CLDN14: variants seen among roughly 807,000 people sequenced by gnomAD.
CLDN14 encodes claudin 14.
In CLDN14, 2 loss-of-function variants were observed where a neutral mutation model predicts 2.1. That is an observed-to-expected ratio of 0.96 (90% CI 0.39 to 3.01). The LOEUF (loss-of-function observed/expected upper bound fraction) is 3.01, where lower values mean the gene tolerates loss of function less well. CLDN14 is among the 30% of genes most tolerant of loss of function. CLDN14 has a pLI of 0.09. For missense variants in CLDN14, 298 were observed against 328.0 expected (o/e 0.91, Z 0.71); for synonymous variants, 136 against 154.4 (o/e 0.88, Z 0.88).
intron 1 of CLDN14, among the ~76,000 whole-genome samples, chr21:36,549,685 G>A (rs1314650190): frequency 2.6e-5 from 4 of 152,220 alleles, no homozygotes; most frequent in Non-Finnish European, 4.4e-5. Flanking sequence ...CCACTTGTCA[G>A]CACACAACGG....
chr21:36,524,792 G>A (rs568682133), intron 1 of CLDN14, among the ~76,000 whole-genome samples: 88 of 152,344 alleles, frequency 5.8e-4, no homozygotes, highest in Non-Finnish European at 1.1e-3. Context: ...TGTCCTGCCT[G>A]GTATGCTCTG....
In CLDN14 at chr21:36,465,072, C is replaced by A. The variant is rs77562443; in HGVS notation, c.-81-3296G>T. ...TTGCCCAGGACAGGGACCTTCAGGG[C>A]TGAAACTAAGACAGTCCCAAGGAAA... On this transcript the variant is annotated intron_variant, in intron 1 of 1. Coordinates refer to ENST00000399135, the MANE Select transcript of CLDN14 (RefSeq NM_001146079.2). Among the ~76,000 whole-genome samples, 759 of 152,274 alleles carry A rather than the reference C, an allele frequency of 5.0e-3. 7 individuals carry two copies. The highest frequency in any genetic ancestry group is 0.016 in the African/African-American group (658 of 41,548).
At chr21:36,554,008 C>T (rs903337482) in intron 1 of CLDN14, among the ~76,000 whole-genome samples, 2 of 152,198 alleles carry the variant, frequency 1.3e-5, no homozygotes, top group Non-Finnish European at 1.5e-5. Context: ...CATGTACCCC[C>T]TTTCCCTATG....
At chr21:36,510,893 A>G (rs1300055567) in intron 1 of CLDN14, among the ~76,000 whole-genome samples, 1 of 152,190 alleles carries the variant, frequency 6.6e-6, no homozygotes, top group Non-Finnish European at 1.5e-5. Flanking sequence ...CCCTTAGCAA[A>G]ATCCTTCAGG....
intron 1 of CLDN14, among the ~76,000 whole-genome samples, chr21:36,464,803 G>A (rs76739387): frequency 0.03 from 4,616 of 152,320 alleles, 111 homozygotes; most frequent in African/African-American, 0.071. Flanking sequence ...ATGGGGAAAC[G>A]AGAGGAGCAG....
intron 2 of CLDN14, among the ~76,000 whole-genome samples, chr21:36,496,657 T>C (rs962538844): frequency 2.7e-5 from 3 of 112,896 alleles, no homozygotes; most frequent in African/African-American, 1.1e-4. Flanking sequence ...GCCCAGCCAA[T>C]GGAGAAGAAA....
At chr21:36,556,379 AC>A (rs1338902514) in intron 1 of CLDN14, among the ~76,000 whole-genome samples, 2 of 152,094 alleles carry the variant, frequency 1.3e-5, no homozygotes, top group African/African-American at 2.4e-5. Flanking sequence ...GTGGCCCTGG[AC>A]CTTTTTGTGC....
Position 36,515,262 on chromosome 21 carries a change from C to G in CLDN14, c.-219-4762G>C, listed in dbSNP as rs147491263. Among the ~76,000 whole-genome samples the G allele has an allele frequency of 7.4e-4, 112 of 152,280 alleles. 3 individuals carry two copies. In the East Asian group the frequency reaches 0.019, roughly 26 times the overall value. ...CAAACAGTCTTTGTACCCCAGTGCTCATAGCGGCATTATTCACAGTAGCCA... is the reference window on the plus strand; with the variant it reads ...CAAACAGTCTTTGTACCCCAGTGCTGATAGCGGCATTATTCACAGTAGCCA... On this transcript the variant is annotated intron_variant, in intron 1 of 2. Coordinates refer to the CLDN14 transcript ENST00000342108.
At chr21:36,549,612 C>A (rs1470700094) in intron 1 of CLDN14, among the ~76,000 whole-genome samples, 2 of 152,190 alleles carry the variant, frequency 1.3e-5, no homozygotes, top group Admixed American at 1.3e-4. Flanking sequence ...GGGGGTTGAC[C>A]AGCCACAGGC....
upstream of CLDN14, among the ~76,000 whole-genome samples, chr21:36,483,776 G>A (rs2053793374): frequency 6.6e-6 from 1 of 152,148 alleles, no homozygotes. Context: ...GAGGGGTGTT[G>A]TGGTTTGTGG....
chr21:36,465,091 A>G (rs551471061), intron 1 of CLDN14, among the ~76,000 whole-genome samples: 11 of 152,258 alleles, frequency 7.2e-5, no homozygotes, highest in Admixed American at 7.2e-4. Context: ...AGACAGTCCC[A>G]AGGAAACCAG....
intron 1 of CLDN14, among the ~76,000 whole-genome samples, chr21:36,515,810 A>T (rs1262671285): frequency 1.2e-4 from 1 of 8,450 alleles, no homozygotes; most frequent in African/African-American, 2.7e-4. Flanking sequence ...TTTTTGAGAC[A>T]GAGTCTCACT....
chr21:36,513,574 T>C (rs2087201621), intron 1 of CLDN14, among the ~76,000 whole-genome samples: 1 of 152,214 alleles, frequency 6.6e-6, no homozygotes, highest in East Asian at 1.9e-4. Context: ...GAAGCCCTGT[T>C]TGTGAGGCTT....
intron 1 of CLDN14, among the ~76,000 whole-genome samples, chr21:36,514,304 G>A (rs188138603): frequency 1.3e-5 from 2 of 152,320 alleles, no homozygotes; most frequent in Admixed American, 6.5e-5. Context: ...CATGGGAGCT[G>A]GAGTGAGGCT....
chr21:36,490,849 C>T (rs117421817), intron 2 of CLDN14, among the ~76,000 whole-genome samples: 1,670 of 152,152 alleles, frequency 0.011, 18 homozygotes, highest in Non-Finnish European at 0.019. Flanking sequence ...CCCTCCTCAC[C>T]GCTTCTGCTT....
At chr21:36,567,695 G>C (rs2087683296) in intron 1 of CLDN14, among the ~76,000 whole-genome samples, 1 of 152,162 alleles carries the variant, frequency 6.6e-6, no homozygotes, top group African/African-American at 2.4e-5. Context: ...CACTTTGGCT[G>C]TTCTTCATAT....
At chr21:36,549,834 C>T (rs538067051) in intron 1 of CLDN14, among the ~76,000 whole-genome samples, 2 of 152,344 alleles carry the variant, frequency 1.3e-5, no homozygotes, top group Admixed American at 6.5e-5. Flanking sequence ...TACTCGCAAT[C>T]GTCCCCTGGC....
chr21:36,499,821 T>C lies in CLDN14; in HGVS notation c.-82+10542A>G, dbSNP rs1416790869. On this transcript the variant is annotated intron_variant, in intron 2 of 2. Coordinates refer to the CLDN14 transcript ENST00000342108. The surrounding 1 kb of genome is among the most constrained non-coding windows in gnomAD (Gnocchi z 4.7). Reference sequence around the variant, plus strand: ...TTATTGCTCCTTAGATGATCAATGCTGCCCCCAGGGCTGCTGTCATCTCCT... The same window carrying C: ...TTATTGCTCCTTAGATGATCAATGCCGCCCCCAGGGCTGCTGTCATCTCCT... Among the ~76,000 whole-genome samples the C allele has an allele frequency of 6.6e-6, 1 of 152,020 alleles. No individual in the cohort carries two copies. Among genetic ancestry groups the C allele is most frequent in the Non-Finnish European group, 1.5e-5 (1 of 68,018 alleles).
chr21:36,538,363 G>A (rs2835388), intron 1 of CLDN14, among the ~76,000 whole-genome samples: 72,578 of 151,616 alleles, frequency 0.48, 19,443 homozygotes, highest in Middle Eastern at 0.62. Context: ...AGGACGGGTT[G>A]CAGAACTGCG....
Sources: allele counts gnomAD v4.1 joint callset (sites outside exome capture counted in the v4.1 genomes callset), GRCh38; gene constraint gnomAD v4.1.1; non-coding constraint Gnocchi (gnomAD v3.1); transcripts MANE v1.5; gene names NCBI Gene and HGNC (gene_info 2026-07-23, HGNC 2026-07-21).